The following KIAA1217 variants were observed in gnomAD, a reference collection of about 807,000 sequenced individuals.
KIAA1217 encodes the protein sickle tail protein homolog.
KIAA1217 carries 88 observed loss-of-function variants against 163.9 expected under a neutral mutation model. The observed-to-expected ratio is 0.54, with a 90% CI of 0.45 to 0.64. KIAA1217 has a LOEUF of 0.64. Ranked by LOEUF, KIAA1217 falls within the 30% of genes least tolerant of loss-of-function variation. The pLI is 0.00. For missense variants in KIAA1217, 2,372 were observed against 2,475.0 expected, an observed-to-expected ratio of 0.96 and a Z score of 0.88; for synonymous variants, 903 against 923.1, an observed-to-expected ratio of 0.98 and a Z score of 0.39.
chr10:24,028,808 T>C (rs1848072657), intron 2 of KIAA1217, among the ~76,000 whole-genome samples: 1 of 152,202 alleles, frequency 6.6e-6, no homozygotes. Context: ...ATGACTATTA[T>C]TGGTGCTATA....
At chr10:24,259,618 A>G (rs987130124) in intron 2 of KIAA1217, among the ~76,000 whole-genome samples, 1 of 152,198 alleles carries the variant, frequency 6.6e-6, no homozygotes, top group African/African-American at 2.4e-5. Flanking sequence ...TTGTGTCTAA[A>G]AAAGAAAGCA....
chr10:24,344,030 G>C (rs1403700081), intron 2 of KIAA1217, among the ~76,000 whole-genome samples: 1 of 152,054 alleles, frequency 6.6e-6, no homozygotes, highest in African/African-American at 2.4e-5. Context: ...AAAATTGGTT[G>C]CTCAGTTCAC....
chr10:23,816,540 T>A (rs111423117), intron 1 of KIAA1217, among the ~76,000 whole-genome samples: 5,041 of 152,224 alleles, frequency 0.033, 285 homozygotes, highest in African/African-American at 0.12. Context: ...CGGTGGCTCA[T>A]GCTATAATCC....
chr10:23,984,271 C>G (rs992080477), intron 1 of KIAA1217, among the ~76,000 whole-genome samples: 1 of 152,200 alleles, frequency 6.6e-6, no homozygotes, highest in African/African-American at 2.4e-5. Flanking sequence ...AAGAAGTTAT[C>G]TCTGTCTATT....
At chr10:24,317,834 T>A (rs1385141262) in intron 2 of KIAA1217, among the ~76,000 whole-genome samples, 1 of 152,160 alleles carries the variant, frequency 6.6e-6, no homozygotes, top group Non-Finnish European at 1.5e-5. Flanking sequence ...ACCTAACAAT[T>A]TAGTGGCCAA....
chr10:24,328,807 C>A (rs1292811051), intron 2 of KIAA1217, among the ~76,000 whole-genome samples: 1 of 151,888 alleles, frequency 6.6e-6, no homozygotes, highest in African/African-American at 2.4e-5. Flanking sequence ...ACCATACCTA[C>A]TACCATTCTG....
intron 2 of KIAA1217, among the ~76,000 whole-genome samples, chr10:24,153,443 C>T (rs2064719473): frequency 6.6e-6 from 1 of 152,210 alleles, no homozygotes; most frequent in African/African-American, 2.4e-5. Flanking sequence ...TGGAGCTTTA[C>T]ACATTTGATC....
At chr10:23,936,524 AG>A (rs1843534178) in intron 1 of KIAA1217, among the ~76,000 whole-genome samples, 1 of 152,150 alleles carries the variant, frequency 6.6e-6, no homozygotes, top group South Asian at 2.1e-4. Context: ...AAGGAAGCAA[AG>A]GGAGATTCAG....
chr10:23,790,330 T>TATATACATATGCGCATATGCAC (rs1238800485), intron 1 of KIAA1217, among the ~76,000 whole-genome samples: 1 of 19,394 alleles, frequency 5.2e-5, no homozygotes, highest in Non-Finnish European at 1.1e-4. Context: ...CACATATGCA[T>TATATACATATGCGCATATGCAC]ATATGCATAT....
chr10:24,542,591 C>A, intron 17 of KIAA1217, 102 bp from the exon 18 acceptor site: 1 of 1,565,062 alleles, frequency 6.4e-7, no homozygotes, highest in Non-Finnish European at 8.7e-7. Context: ...ATGCGTGGCC[C>A]GCATGTCTTA....
At chr10:24,103,801 T>C (rs192644076) in intron 2 of KIAA1217, among the ~76,000 whole-genome samples, 77 of 152,148 alleles carry the variant, frequency 5.1e-4, no homozygotes, top group African/African-American at 1.8e-3. Context: ...GTCAAGACAT[T>C]CCCCAACTTC....
chr10:23,764,811 G>C (rs1006748800), intron 1 of KIAA1217, among the ~76,000 whole-genome samples: 1 of 152,122 alleles, frequency 6.6e-6, no homozygotes, highest in Non-Finnish European at 1.5e-5. Flanking sequence ...GGGCCTGAGG[G>C]GTGGGAACTT....
chr10:24,100,063 C>T (rs1042036999), intron 2 of KIAA1217, among the ~76,000 whole-genome samples: 4 of 152,006 alleles, frequency 2.6e-5, no homozygotes, highest in African/African-American at 9.7e-5. Context: ...TGTCCTCCTC[C>T]TCCCCTCCCT....
intron 5 of KIAA1217, among the ~76,000 whole-genome samples, chr10:24,453,978 T>C (rs924512716): frequency 4.6e-5 from 7 of 152,058 alleles, no homozygotes; most frequent in African/African-American, 1.7e-4. Context: ...CTTGTTAATG[T>C]ATGAAGTATA....
intron 1 of KIAA1217, among the ~76,000 whole-genome samples, chr10:23,852,607 G>A (rs781253354): frequency 3.7e-4 from 56 of 152,180 alleles, no homozygotes; most frequent in Non-Finnish European, 5.3e-4. Flanking sequence ...ACCTTGGGCC[G>A]TATGGCCATT....
intron 2 of KIAA1217, among the ~76,000 whole-genome samples, chr10:24,109,764 A>C (rs1254388501): frequency 6.6e-6 from 1 of 152,284 alleles, no homozygotes; most frequent in East Asian, 1.9e-4. Context: ...GGAAGAATTC[A>C]GTAGCTGTCA....
At chr10:23,888,397 GAAGT>G (rs1034268386) in intron 1 of KIAA1217, among the ~76,000 whole-genome samples, 3 of 151,914 alleles carry the variant, frequency 2.0e-5, no homozygotes, top group South Asian at 2.1e-4. Flanking sequence ...TTTCTAGGGA[GAAGT>G]GAGTGAGATA....
chr10:24,002,632 T>A (rs972820783), intron 1 of KIAA1217, among the ~76,000 whole-genome samples: 10 of 152,208 alleles, frequency 6.6e-5, no homozygotes, highest in Non-Finnish European at 1.3e-4. Flanking sequence ...CCCTCTCTTT[T>A]ATATCCTTCA....
intron 5 of KIAA1217, among the ~76,000 whole-genome samples, chr10:24,442,873 G>A (rs192915749): frequency 2.0e-5 from 3 of 151,340 alleles, no homozygotes. Context: ...TCTTACAATA[G>A]CTAACTTATT....
Sources: allele counts gnomAD v4.1 joint callset (sites outside exome capture counted in the v4.1 genomes callset), GRCh38; gene constraint gnomAD v4.1.1; transcripts MANE v1.5; gene names NCBI Gene and HGNC (gene_info 2026-07-23, HGNC 2026-07-21).